DARS2: variants seen among roughly 807,000 people sequenced by gnomAD.
The protein encoded by DARS2 is aspartate--tRNA ligase, mitochondrial.
In DARS2, 63 loss-of-function variants were observed where a neutral mutation model predicts 83.0. That is an observed-to-expected ratio of 0.76 (90% CI 0.62 to 0.94). The LOEUF (loss-of-function observed/expected upper bound fraction) is 0.94. DARS2 is among the 40% of genes least tolerant of loss of function. The pLI is 0.00. For synonymous variants in DARS2, 250 were observed against 269.3 expected (o/e 0.93, Z 0.70); for missense variants, 675 against 774.4 (o/e 0.87, Z 1.52).
At chr1:173,833,346 TTAAATA>T in intron 5 of DARS2, 24 bp from the exon 6 acceptor site, 1 of 1,516,096 alleles carries the variant, frequency 6.6e-7, no homozygotes. Flanking sequence ...TGAAAAATAT[TTAAATA>T]TAAAAATCTT....
Position 173,826,547 on chromosome 1 carries a change from A to T in DARS2, c.128-140A>T, listed in dbSNP as rs1652576862. On this transcript the variant is annotated intron_variant, in intron 1 of 16. Transcript: ENST00000649689. Reference sequence around the variant, plus strand: ...TGAATGAATTAAATTACATACTCTGACTTATTTTATTTTATAAATTTCCCC... The same window carrying T: ...TGAATGAATTAAATTACATACTCTGTCTTATTTTATTTTATAAATTTCCCC... The T allele has an allele frequency of 1.2e-5, 8 of 650,204 alleles. No individual in the cohort carries two copies. In the South Asian group the frequency reaches 1.5e-4, roughly 12 times the overall value. 40.3% of individuals were successfully genotyped at this position (650,204 alleles called of 1,614,324 possible). A position where few individuals can be genotyped will look rare whatever the true frequency, so the allele number is the denominator to read the frequency against.
rs1652580690 is a variant in DARS2, at chr1:173,826,588, C to A, written c.128-99C>A. On this transcript the variant is annotated intron_variant, in intron 1 of 16. Coordinates refer to ENST00000649689, the MANE Select transcript of DARS2 (RefSeq NM_018122.5). ...AAATTTCCCCTGTAGCCCTGACATA[C>A]CTAAGATATATTTTGAGAATTTTCA... The A allele has an allele frequency of 9.8e-6, 8 of 815,944 alleles. No homozygotes were observed. In the East Asian group the frequency reaches 2.1e-4, roughly 22 times the overall value. The allele number at this position is 815,944 out of a possible 1,614,324, so 50.5% of individuals were successfully genotyped here.
chr1:173,837,891 T>TCA (rs1420281005), intron 8 of DARS2, among the ~76,000 whole-genome samples: 6 of 152,090 alleles, frequency 3.9e-5, no homozygotes, highest in African/African-American at 1.4e-4. Context: ...CTCCTGCCCT[T>TCA]GCCTCCCGAG....
chr1:173,848,456 A>G (rs955032201), intron 12 of DARS2, among the ~76,000 whole-genome samples: 1 of 152,242 alleles, frequency 6.6e-6, no homozygotes, highest in African/African-American at 2.4e-5. Flanking sequence ...TTGCTAGCCA[A>G]TGTCGCTAGT....
At chr1:173,846,624 C>G (rs1397572235) in intron 12 of DARS2, among the ~76,000 whole-genome samples, 1 of 151,722 alleles carries the variant, frequency 6.6e-6, no homozygotes, top group East Asian at 1.9e-4. Flanking sequence ...GAGACCTCGT[C>G]TCTACAAAAA....
Position 173,825,203 on chromosome 1 carries a change from T to G in DARS2, c.-27T>G, listed in dbSNP as rs1161488368. On this transcript the variant is annotated 5_prime_UTR_variant, in exon 1 of 17. It adds an upstream start codon to the 5' untranslated region. Coordinates refer to ENST00000649689, the MANE Select transcript of DARS2 (RefSeq NM_018122.5). ...TACCGGCAGCGTGGGATTTCGTGAT[T>G]GTTTTTCGCCATCGTGTGGCTCCAA... 4 of 1,608,258 alleles carry G rather than the reference T, an allele frequency of 2.5e-6. No homozygotes were observed. The highest frequency in any genetic ancestry group is 1.3e-5 in the African/African-American group (1 of 74,618).
At chr1:173,838,809 C>T (rs553453592) in intron 9 of DARS2, among the ~76,000 whole-genome samples, 3 of 152,250 alleles carry the variant, frequency 2.0e-5, no homozygotes, top group African/African-American at 7.2e-5. Flanking sequence ...GGTCTCAGCT[C>T]ATTGCTGCCT....
rs773592266 is a variant in DARS2 at position 173,826,732 on chromosome 1, G to A, written c.173G>A (p.Arg58His). 2.6e-5 allele frequency: 42 copies of A among 1,610,998 alleles called. No homozygotes were observed. The highest frequency in any genetic ancestry group is 3.1e-5 in the Non-Finnish European group (37 of 1,179,558). Residue 58 changes from arginine (R) to histidine (H), a missense_variant, in exon 2 of 17, where the codon CGT (arginine) becomes CAT (histidine). Physicochemically the swap from Arg to His is conservative, Grantham distance 29. Transcript: ENST00000649689. ...CGGACCAACACATGTGGAGAGTTGC[G>A]TTCGTCTCACTTAGGCCAAGAAGTC... is the stretch of plus-strand genomic sequence containing the variant. The part of the protein sequence containing the change: ...VVRTNTCGEL[R>H]SSHLGQEVTL...
chr1:173,828,904 T>C (rs905666206), intron 3 of DARS2, among the ~76,000 whole-genome samples: 4 of 152,142 alleles, frequency 2.6e-5, no homozygotes, highest in Non-Finnish European at 4.4e-5. Context: ...AAATGACATA[T>C]GTACAAGGAT....
At position 173,842,317 on chromosome 1, in the gene DARS2, T is replaced by TTTTTTTTTTTTTTTTTTTTTTTTTTTTTG. The variant is rs1304745729; in HGVS notation, c.1128+1344_1128+1345insTTTTTTTTTTTTTTTTTTTTTTTTTTTTG. Among the ~76,000 whole-genome samples the TTTTTTTTTTTTTTTTTTTTTTTTTTTTTG allele has an allele frequency of 7.7e-5, 9 of 116,628 alleles. 2 individuals are homozygous for TTTTTTTTTTTTTTTTTTTTTTTTTTTTTG. Among genetic ancestry groups the TTTTTTTTTTTTTTTTTTTTTTTTTTTTTG allele is most frequent in the African/African-American group, 3.4e-4 (8 of 23,540 alleles). The allele number at this position is 116,628 out of a possible 152,430, so 76.5% of individuals were successfully genotyped here. On this transcript the variant is annotated intron_variant, in intron 11 of 16. Transcript: ENST00000649689. ...TTTTTTTTTTTTTTTTTTTTTTTTT[T>TTTTTTTTTTTTTTTTTTTTTTTTTTTTTG]AGAGTGAGTCTTGCTCTGTCGCCCA...
In DARS2 at chr1:173,857,766, C is replaced by A; in HGVS notation, c.*61C>A. On this transcript the variant is annotated 3_prime_UTR_variant, in exon 17 of 17. Coordinates refer to ENST00000649689, the MANE Select transcript of DARS2 (RefSeq NM_018122.5). The stretch of plus-strand genomic sequence containing the variant: ...TTTTGTCCTCTTTGCTTCCCCAAGG[C>A]TAAAGTCAGATCTAGAGTTCTGCCA... The A allele has an allele frequency of 6.3e-7, 1 of 1,576,978 alleles. No homozygotes were observed. The highest frequency in any genetic ancestry group is 8.7e-7 in the Non-Finnish European group (1 of 1,148,790).
intron 16 of DARS2, 98 bp downstream of exon 16, chr1:173,856,839 C>A: frequency 1.1e-6 from 1 of 870,786 alleles, no homozygotes; most frequent in East Asian, 2.5e-5. Flanking sequence ...AGGATGAGTC[C>A]AAGAGTTCCA....
rs781360061 is a variant in DARS2, at chr1:173,825,188, G to T, written c.-42G>T. The T allele has an allele frequency of 1.9e-6, 3 of 1,603,130 alleles. No homozygotes were observed. Among genetic ancestry groups the T allele is most frequent in the East Asian group, 2.3e-5 (1 of 44,298 alleles). ...AAACTGACTTTTAACTACCGGCAGC[G>T]TGGGATTTCGTGATTGTTTTTCGCC... On this transcript the variant is annotated 5_prime_UTR_variant, in exon 1 of 17. Coordinates refer to ENST00000649689, the MANE Select transcript of DARS2 (RefSeq NM_018122.5).
intron 2 of DARS2, 135 bp from the exon 3 acceptor site, chr1:173,828,197 GA>G (rs1652656560): frequency 1.1e-6 from 1 of 902,000 alleles, no homozygotes; most frequent in African/African-American, 1.7e-5. Context: ...TAAAAAACAT[GA>G]AAAATTATAA....
intron 13 of DARS2, chr1:173,851,903 A>G (rs1394738424): frequency 1.8e-5 from 18 of 985,266 alleles, no homozygotes; most frequent in African/African-American, 3.5e-5. Context: ...TACAATAGTA[A>G]AATGAAGAAA....
At chr1:173,829,810 GA>G (rs1652727364) in intron 3 of DARS2, among the ~76,000 whole-genome samples, 2 of 152,162 alleles carry the variant, frequency 1.3e-5, no homozygotes, top group South Asian at 4.1e-4. Context: ...TCAGGAGGCT[GA>G]GGCAAAAGAA....
intron 2 of DARS2, among the ~76,000 whole-genome samples, chr1:173,828,064 T>C (rs1319021074): frequency 6.6e-6 from 1 of 152,132 alleles, no homozygotes; most frequent in African/African-American, 2.4e-5. Flanking sequence ...CTGTATAAGA[T>C]TAATATACCA....
At chr1:173,836,884 G>T in intron 7 of DARS2, 56 bp from the exon 8 acceptor site, 1 of 1,424,680 alleles carries the variant, frequency 7.0e-7, no homozygotes, top group South Asian at 1.2e-5. Context: ...TTATACTTTG[G>T]GTTTGTTTTT....
Position 173,824,756 on chromosome 1 carries a change from G to GA in DARS2, c.-472dup, listed in dbSNP as rs1652391838. On this transcript the variant is annotated 5_prime_UTR_variant, in exon 1 of 17. Transcript: ENST00000649689. ...TGGCTTTGCTCGCCTTCCTCTTTCA[G>GA]AAGACTCGAAATCGGCCAGCAGGTC... 5.4e-6 allele frequency: 1 copy of GA among 186,294 alleles called. No individual in the cohort carries two copies. The highest frequency in any genetic ancestry group is 1.2e-5 in the Non-Finnish European group (1 of 86,914). 11.5% of individuals were successfully genotyped at this position (186,294 alleles called of 1,614,324 possible).
Sources: gnomAD v4.1 joint callset for allele counts (sites outside exome capture counted in the v4.1 genomes callset) on GRCh38, gnomAD v4.1.1 for gene constraint, MANE v1.5 for transcripts, NCBI Gene and HGNC (gene_info 2026-07-23, HGNC 2026-07-21) for gene names.